The following EPC2 variants were observed in gnomAD, a reference collection of about 807,000 sequenced individuals.
EPC2 encodes enhancer of polycomb homolog 2.
In EPC2, 14 loss-of-function variants were observed where a neutral mutation model predicts 92.1. The observed-to-expected ratio is 0.15, with a 90% CI of 0.10 to 0.24. EPC2 has a LOEUF of 0.24. Among genes scored for constraint, EPC2 ranks in the 10% least tolerant of loss-of-function variants. The pLI, the probability that EPC2 is intolerant of heterozygous loss-of-function variation, is 1.00. For missense variants in EPC2, 755 were observed against 971.5 expected (o/e 0.78, Z 2.96); for synonymous variants, 340 against 334.7 (o/e 1.02, Z -0.17).
intron 1 of EPC2, among the ~76,000 whole-genome samples, chr2:148,669,801 A>G (rs939882475): frequency 2.6e-5 from 4 of 152,066 alleles, no homozygotes; most frequent in Non-Finnish European, 5.9e-5. Context: ...TCTTGGGTTA[A>G]TTATTCTCCA....
At chr2:148,756,182 ACT>A (rs1199664896) in intron 4 of EPC2, among the ~76,000 whole-genome samples, 24 of 152,122 alleles carry the variant, frequency 1.6e-4, no homozygotes, top group African/African-American at 5.3e-4. Flanking sequence ...TTTTCCTGAC[ACT>A]CTGATTCCTA....
chr2:148,675,934 A>G (rs1681253301), intron 1 of EPC2, among the ~76,000 whole-genome samples: 1 of 152,172 alleles, frequency 6.6e-6, no homozygotes, highest in Non-Finnish European at 1.5e-5. Context: ...AAAGCCAGGA[A>G]GTTGGGGCAT....
chr2:148,719,818 CACTGGCTGA>C (rs1293971835), intron 2 of EPC2, among the ~76,000 whole-genome samples: 2 of 152,236 alleles, frequency 1.3e-5, no homozygotes, highest in African/African-American at 4.8e-5. Flanking sequence ...CTCCAAGCCC[CACTGGCTGA>C]ACTGGCTGAG....
intron 1 of EPC2, among the ~76,000 whole-genome samples, chr2:148,687,807 T>C (rs1681558998): frequency 6.6e-6 from 1 of 152,198 alleles, no homozygotes; most frequent in Non-Finnish European, 1.5e-5. Context: ...TGTTTTTATG[T>C]CTCTGTCTCT....
intron 4 of EPC2, among the ~76,000 whole-genome samples, chr2:148,761,459 C>T (rs905030426): frequency 6.6e-5 from 10 of 152,194 alleles, no homozygotes; most frequent in African/African-American, 1.7e-4. Flanking sequence ...CTTTCCTACA[C>T]GCTGAATGGA....
intron 2 of EPC2, among the ~76,000 whole-genome samples, chr2:148,710,026 A>G (rs538796546): frequency 1.7e-4 from 26 of 152,370 alleles, no homozygotes; most frequent in African/African-American, 6.0e-4. Flanking sequence ...GAGCTTCTGC[A>G]CAGCAAAAGA....
At chr2:148,670,227 A>C (rs1230158450) in intron 1 of EPC2, among the ~76,000 whole-genome samples, 2 of 152,126 alleles carry the variant, frequency 1.3e-5, no homozygotes, top group Non-Finnish European at 1.5e-5. Context: ...CTTAAAGAGC[A>C]CTGGCCTTCA....
At chr2:148,675,960 G>GA (rs1284337436) in intron 1 of EPC2, among the ~76,000 whole-genome samples, 9 of 152,136 alleles carry the variant, frequency 5.9e-5, no homozygotes, top group African/African-American at 2.2e-4. Context: ...TGGTAAGATG[G>GA]AAAAGCGCCA....
chr2:148,690,114 A>T (rs1681614008), intron 1 of EPC2, 100 bp from the exon 2 acceptor site: 3 of 1,153,342 alleles, frequency 2.6e-6, no homozygotes, highest in East Asian at 5.3e-5. Flanking sequence ...ATTGATTCTT[A>T]AAGCACTTTG....
At chr2:148,694,335 G>T (rs1681702253) in intron 2 of EPC2, among the ~76,000 whole-genome samples, 1 of 152,168 alleles carries the variant, frequency 6.6e-6, no homozygotes, top group Non-Finnish European at 1.5e-5. Flanking sequence ...TGTTCCTTCT[G>T]ATCCCTTTCA....
intron 1 of EPC2, among the ~76,000 whole-genome samples, chr2:148,664,101 T>C (rs748332509): frequency 2.6e-5 from 4 of 152,222 alleles, no homozygotes; most frequent in Non-Finnish European, 5.9e-5. Context: ...AGTATAGGCA[T>C]ACTGTTGTGT....
chr2:148,771,434 T>G (rs2105431710), intron 10 of EPC2, 47 bp downstream of exon 10: 1 of 1,457,254 alleles, frequency 6.9e-7, no homozygotes, highest in East Asian at 2.3e-5. Context: ...TCTTTTTTAC[T>G]TAATTTTATT....
intron 2 of EPC2, chr2:148,692,107 G>A: frequency 4.2e-6 from 1 of 239,794 alleles, no homozygotes; most frequent in Non-Finnish European, 8.2e-6. Flanking sequence ...TGTACCATAG[G>A]GACTACGAAA....
intron 1 of EPC2, among the ~76,000 whole-genome samples, chr2:148,653,602 T>A (rs1293072123): frequency 6.6e-6 from 1 of 152,214 alleles, no homozygotes; most frequent in Admixed American, 6.5e-5. Flanking sequence ...TTTTTTGTTT[T>A]ACTGTAAGCA....
At chr2:148,687,693 G>A (rs1230220773) in intron 1 of EPC2, among the ~76,000 whole-genome samples, 1 of 152,162 alleles carries the variant, frequency 6.6e-6, no homozygotes, top group Non-Finnish European at 1.5e-5. Flanking sequence ...AAACGATGCT[G>A]CTTGTGGGAG....
At chr2:148,749,485 T>C (rs1244639632) in intron 3 of EPC2, among the ~76,000 whole-genome samples, 3 of 152,096 alleles carry the variant, frequency 2.0e-5, no homozygotes, top group African/African-American at 7.2e-5. Flanking sequence ...ATCGGTTTTT[T>C]TTTTTTTCAT....
chr2:148,648,116 C>T (rs1010129223), intron 1 of EPC2, among the ~76,000 whole-genome samples: 2 of 152,228 alleles, frequency 1.3e-5, no homozygotes, highest in Non-Finnish European at 2.9e-5. Context: ...GTCCTTTCTG[C>T]CTCTTTAATA....
intron 1 of EPC2, among the ~76,000 whole-genome samples, chr2:148,669,018 G>A (rs1212450319): frequency 6.6e-6 from 1 of 151,800 alleles, no homozygotes; most frequent in Non-Finnish European, 1.5e-5. Context: ...TTTCCTGTGT[G>A]CTGCTTTATT....
Position 148,733,479 on chromosome 2 carries a change from A to ATTTTTTT in EPC2, c.314-10113_314-10107dup, listed in dbSNP as rs34219179. 2.2e-4 allele frequency among the ~76,000 whole-genome samples: 6 copies of ATTTTTTT among 26,680 alleles called. 1 individual carries two copies. The highest frequency in any genetic ancestry group is 2.2e-4 in the Non-Finnish European group (3 of 13,940). The allele number at this position is 26,680 out of a possible 152,430, so 17.5% of individuals were successfully genotyped here. A position where few individuals can be genotyped will look rare whatever the true frequency, so the allele number is the denominator to read the frequency against. The stretch of plus-strand genomic sequence containing the variant: ...CTTTCTCTTTTCTTTCTCTCTCTGG[A>ATTTTTTT]TTTTTTTTTTTTTTTTTTTTTTTTT... On this transcript the variant is annotated intron_variant, in intron 2 of 13. Coordinates refer to ENST00000258484, the MANE Select transcript of EPC2 (RefSeq NM_015630.4).
Sources: gnomAD v4.1 joint callset for allele counts (sites outside exome capture counted in the v4.1 genomes callset) on GRCh38, gnomAD v4.1.1 for gene constraint, MANE v1.5 for transcripts, NCBI Gene and HGNC (gene_info 2026-07-23, HGNC 2026-07-21) for gene names.